Variants in NACC2 observed in about 807,000 individuals in gnomAD.
NACC2 encodes the protein NACC family member 2.
A neutral mutation model predicts 25.1 loss-of-function variants in NACC2; 8 were observed. The ratio of observed to expected loss-of-function variants is 0.32; its 90% CI spans 0.19 to 0.57. The LOEUF (loss-of-function observed/expected upper bound fraction) is 0.57. Among genes scored for constraint, NACC2 ranks in the 20% least tolerant of loss-of-function variants. NACC2 has a pLI of 0.89. For synonymous variants in NACC2, 435 were observed against 294.7 expected (o/e 1.48, Z -4.88); for missense variants, 644 against 650.2 (o/e 0.99, Z 0.10).
intron 1 of NACC2, among the ~76,000 whole-genome samples, chr9:136,075,434 C>T (rs909595697): frequency 3.3e-5 from 5 of 152,260 alleles, no homozygotes; most frequent in Non-Finnish European, 5.9e-5. Flanking sequence ...CGAATGTCTC[C>T]CCGAGCCTGT....
chr9:136,056,141 GGC>G (rs1187675447), intron 1 of NACC2, among the ~76,000 whole-genome samples: 1 of 152,224 alleles, frequency 6.6e-6, no homozygotes, highest in Non-Finnish European at 1.5e-5. Context: ...GGGGGGTAGA[GGC>G]TGCCCAGCTC....
At chr9:136,045,985 C>A (rs1201295255) in intron 2 of NACC2, among the ~76,000 whole-genome samples, 3 of 152,154 alleles carry the variant, frequency 2.0e-5, no homozygotes, top group African/African-American at 7.2e-5. Flanking sequence ...CGTTCAGATG[C>A]CCCCGAGCCC....
chr9:136,011,423 C>G lies in NACC2; in HGVS notation c.*93G>C. On this transcript the variant is annotated 3_prime_UTR_variant, in exon 6 of 6. Transcript: ENST00000277554. The stretch of plus-strand genomic sequence containing the variant: ...TTTTTCTCAGGCAACAGTAGCAGTT[C>G]AGTAGGTAAGTGGCTTGATCACATT... 1 of 1,230,830 alleles carries G rather than the reference C, an allele frequency of 8.1e-7. No individual in the cohort carries two copies. The highest frequency in any genetic ancestry group is 1.5e-5 in the African/African-American group (1 of 64,620). The allele number at this position is 1,230,830 out of a possible 1,614,324, so 76.2% of individuals were successfully genotyped here.
chr9:136,037,337 C>A (rs1314585232), intron 2 of NACC2, among the ~76,000 whole-genome samples: 1 of 148,984 alleles, frequency 6.7e-6, no homozygotes, highest in Non-Finnish European at 1.5e-5. Context: ...GATTCTCCTG[C>A]CTCAGCCTCC....
At chr9:136,041,386 C>T (rs959348600) in intron 2 of NACC2, among the ~76,000 whole-genome samples, 1,523 of 151,352 alleles carry the variant, frequency 0.01, 8 homozygotes, top group Non-Finnish European at 0.014. Flanking sequence ...CACCACTGCA[C>T]TCCAGCCTGG....
At chr9:136,025,816 G>C (rs1840378304) in intron 2 of NACC2, among the ~76,000 whole-genome samples, 1 of 152,102 alleles carries the variant, frequency 6.6e-6, no homozygotes, top group Non-Finnish European at 1.5e-5. Flanking sequence ...TCAGGAAGTG[G>C]AGGCAGGAGA....
At chr9:136,066,510 T>C (rs1224573407) in intron 1 of NACC2, among the ~76,000 whole-genome samples, 1 of 152,040 alleles carries the variant, frequency 6.6e-6, no homozygotes, top group East Asian at 1.9e-4. Context: ...CAAAGGTTGG[T>C]GGAAATGTAA....
In NACC2 at chr9:136,020,531, C is replaced by A. The variant is rs1840275957; in HGVS notation, c.887-4102G>T. Among the ~76,000 whole-genome samples, 1 of 152,204 alleles carries A rather than the reference C, an allele frequency of 6.6e-6. No homozygotes were observed. Among genetic ancestry groups the A allele is most frequent in the African/African-American group, 2.4e-5 (1 of 41,460 alleles). On this transcript the variant is annotated intron_variant, in intron 2 of 5. Coordinates refer to ENST00000277554, the MANE Select transcript of NACC2 (RefSeq NM_144653.5). The surrounding 1 kb of genome is among the most constrained non-coding windows in gnomAD (Gnocchi z 4.7). ...GGTAGGGCCGCCTGGTGGAGCCCAG[C>A]AGAGCCTCGGCGGGGGTAGGAGGGA...
intron 2 of NACC2, among the ~76,000 whole-genome samples, chr9:136,023,825 G>C (rs1840333276): frequency 6.6e-6 from 1 of 152,244 alleles, no homozygotes; most frequent in Non-Finnish European, 1.5e-5. Flanking sequence ...CACTAGCAGG[G>C]TCTGTGTGTG....
chr9:136,050,722 T>C, intron 1 of NACC2, 142 bp from the exon 2 acceptor site: 1 of 607,568 alleles, frequency 1.6e-6, no homozygotes, highest in East Asian at 2.8e-5. Context: ...CCCTCCTGGC[T>C]GGGACACTCC....
rs1480633848 is a variant in NACC2, at chr9:136,018,262, C to T, written c.887-1833G>A. On this transcript the variant is annotated intron_variant, in intron 2 of 5. Coordinates refer to ENST00000277554, the MANE Select transcript of NACC2 (RefSeq NM_144653.5). The surrounding 1 kb of genome is among the most constrained non-coding windows in gnomAD (Gnocchi z 4.4). ...CTACAGGGGTGGCTGAGCCTCGGGG[C>T]GTGGGGGGGCTGCCAAGGGGGCTGC... 3.3e-5 allele frequency among the ~76,000 whole-genome samples: 5 copies of T among 151,854 alleles called. No individual in the cohort carries two copies. The highest frequency in any genetic ancestry group is 9.7e-5 in the African/African-American group (4 of 41,366).
At chr9:136,066,816 G>GGA (rs1215443591) in intron 1 of NACC2, among the ~76,000 whole-genome samples, 4 of 152,142 alleles carry the variant, frequency 2.6e-5, no homozygotes, top group Non-Finnish European at 4.4e-5. Context: ...TGAAGTACTG[G>GGA]GAGAGCACGG....
rs571267015 is a variant in NACC2, at chr9:136,089,440, A to G, written c.-60+5749T>C. On this transcript the variant is annotated intron_variant, in intron 1 of 5. Transcript: ENST00000277554. Reference sequence around the variant, plus strand: ...AGGGGGTACAGACTTCAGAGAACTCAAGGCCCTTCAGGTTCTGCTCTGCCT... The same window carrying G: ...AGGGGGTACAGACTTCAGAGAACTCGAGGCCCTTCAGGTTCTGCTCTGCCT... Among the ~76,000 whole-genome samples the G allele has an allele frequency of 3.3e-5, 5 of 152,084 alleles. No individual in the cohort carries two copies. In the East Asian group the frequency reaches 9.7e-4, roughly 29 times the overall value.
intron 2 of NACC2, among the ~76,000 whole-genome samples, chr9:136,023,913 C>T (rs895703531): frequency 4.5e-4 from 68 of 152,254 alleles, no homozygotes; most frequent in African/African-American, 1.5e-3. Context: ...GTGTACCCAC[C>T]GCCATACACA....
At chr9:136,043,033 C>G (rs1237050969) in intron 2 of NACC2, among the ~76,000 whole-genome samples, 1 of 151,954 alleles carries the variant, frequency 6.6e-6, no homozygotes, top group African/African-American at 2.4e-5. Context: ...AATTCACACA[C>G]AGACACACAC....
rs1294259623 is a variant in NACC2 at position 136,011,094 on chromosome 9, G to C, written c.*422C>G. On this transcript the variant is annotated 3_prime_UTR_variant, in exon 6 of 6. Coordinates refer to ENST00000277554, the MANE Select transcript of NACC2 (RefSeq NM_144653.5). Reference sequence around the variant, plus strand: ...GAGGTTCCATGGGGAAGGAAGGAAGGGTCAGTGACGCACAGCCCAGCCCCC... The same window carrying C: ...GAGGTTCCATGGGGAAGGAAGGAAGCGTCAGTGACGCACAGCCCAGCCCCC... The C allele has an allele frequency of 6.4e-6, 1 of 156,280 alleles. No individual in the cohort carries two copies. Among genetic ancestry groups the C allele is most frequent in the Non-Finnish European group, 1.4e-5 (1 of 71,034 alleles). The allele number at this position is 156,280 out of a possible 1,614,324, so 9.7% of individuals were successfully genotyped here.
chr9:136,024,184 G>GGAGTGTGTGTGTGTGAGGACA (rs1564221433), intron 2 of NACC2, among the ~76,000 whole-genome samples: 7 of 102,700 alleles, frequency 6.8e-5, no homozygotes, highest in Admixed American at 5.9e-4. Flanking sequence ...GTGTGAGGAC[G>GGAGTGTGTGTGTGTGAGGACA]GAGTGTGTGT....
rs78750824 is a variant in NACC2 at position 136,019,300 on chromosome 9, C to T, written c.887-2871G>A. 0.093 allele frequency: 14,228 copies of T among 152,302 alleles called. 806 individuals are homozygous for T. Among genetic ancestry groups the T allele is most frequent in the East Asian group, 0.2 (1,055 of 5,162 alleles). 9.4% of individuals were successfully genotyped at this position (152,302 alleles called of 1,614,324 possible). ...CCCCGGAAGGGCCATTCAGAGGCCCCGTGAGTCGGGGCCAGAGCTGGGTTC... is the reference window on the plus strand; with the variant it reads ...CCCCGGAAGGGCCATTCAGAGGCCCTGTGAGTCGGGGCCAGAGCTGGGTTC... On this transcript the variant is annotated intron_variant, in intron 2 of 5. Transcript: ENST00000277554. The surrounding 1 kb of genome is among the most constrained non-coding windows in gnomAD (Gnocchi z 5.2).
rs754574288 is a variant in NACC2 at position 136,024,345 on chromosome 9, CAG to C, written c.887-7918_887-7917del. The stretch of plus-strand genomic sequence containing the variant: ...AGGACAGAGTGTGTGTGTGTGAGGA[CAG>C]AGTGTGTGTGTGTGAGGACAGAAGG... On this transcript the variant is annotated intron_variant, in intron 2 of 5. Transcript: ENST00000277554. 4.0e-4 allele frequency among the ~76,000 whole-genome samples: 28 copies of C among 70,856 alleles called. 3 individuals are homozygous for C. The highest frequency in any genetic ancestry group is 5.2e-4 in the Non-Finnish European group (19 of 36,230). 46.5% of individuals were successfully genotyped at this position (70,856 alleles called of 152,430 possible). A position where few individuals can be genotyped will look rare whatever the true frequency, so the allele number is the denominator to read the frequency against.
Sources: allele counts gnomAD v4.1 joint callset (sites outside exome capture counted in the v4.1 genomes callset), GRCh38; gene constraint gnomAD v4.1.1; non-coding constraint Gnocchi (gnomAD v3.1); transcripts MANE v1.5; gene names NCBI Gene and HGNC (gene_info 2026-07-23, HGNC 2026-07-21).